NBAS: variants seen among roughly 807,000 people sequenced by gnomAD.
NBAS encodes NBAS subunit of NRZ tethering complex, also known as NAG/BC035112 fusion.
In NBAS, 219 loss-of-function variants were observed where a neutral mutation model predicts 302.5. The ratio of observed to expected loss-of-function variants is 0.72; its 90% CI spans 0.65 to 0.81. NBAS has a LOEUF of 0.81. Among genes scored for constraint, NBAS ranks in the 30% least tolerant of loss-of-function variants. The pLI is 0.00. For missense variants in NBAS, 2,932 were observed against 2,841.6 expected, an observed-to-expected ratio of 1.03 and a Z score of -0.72; for synonymous variants, 1,118 against 1,021.6, an observed-to-expected ratio of 1.09 and a Z score of -1.80.
At chr2:15,027,636 T>G in the NBAS span, among the ~76,000 whole-genome samples, 292 of 152,292 alleles carry the variant, frequency 1.9e-3, no homozygotes, top group African/African-American at 6.6e-3. Context: ...TTTGCTGTGT[T>G]CTTGCATTCA....
rs200206935 is a variant in NBAS at position 15,186,773 on chromosome 2, A to C, written c.6680T>G (p.Leu2227Trp). 62 of 1,613,746 alleles carry C rather than the reference A, an allele frequency of 3.8e-5. No homozygotes were observed. Among genetic ancestry groups the C allele is most frequent in the Non-Finnish European group, 5.1e-6 (6 of 1,179,958 alleles). The change falls in exon 50 of 52, where the codon TTG becomes TGG. Residue 2227 changes from leucine (L) to tryptophan (W), a missense_variant. By Grantham distance (61) the Leu-to-Trp change is moderately conservative. Transcript: ENST00000281513. The part of the protein sequence containing the change: ...GNEVLKMCRS[L>W]YNTKQMLPAE... Reference sequence around the variant, plus strand: ...AGGCAGCATCTGCTTGGTGTTATACAAAGAGCGACACATTTTCAAAACTTC... The same window carrying C: ...AGGCAGCATCTGCTTGGTGTTATACCAAGAGCGACACATTTTCAAAACTTC...
intron 47 of NBAS, among the ~76,000 whole-genome samples, chr2:15,221,959 A>G (rs373119152): frequency 4.7e-4 from 72 of 152,324 alleles, no homozygotes; most frequent in African/African-American, 1.6e-3. Flanking sequence ...ACTTCCTAAC[A>G]ATGTAACTCT....
intron 35 of NBAS, among the ~76,000 whole-genome samples, chr2:15,349,230 C>T (rs1017696845): frequency 1.3e-5 from 2 of 152,138 alleles, no homozygotes; most frequent in Non-Finnish European, 2.9e-5. Context: ...AGGAACAAAA[C>T]TTCAGATAAA....
In NBAS at chr2:15,307,147, C is replaced by T. The variant is rs145056818; in HGVS notation, c.4797+1069G>A. ...TGAAAGACACATGGGCACACCAGCT[C>T]ACTGGGAGCTTTTGCTTCCCAAACA... is the stretch of plus-strand genomic sequence containing the variant. On this transcript the variant is annotated intron_variant, in intron 40 of 51. Transcript: ENST00000281513. Among the ~76,000 whole-genome samples, 435 of 152,322 alleles carry T rather than the reference C, an allele frequency of 2.9e-3. 1 individual carries two copies. The highest frequency in any genetic ancestry group is 4.6e-3 in the Non-Finnish European group (314 of 68,034).
chr2:15,508,725 C>A (rs919112855), intron 10 of NBAS, among the ~76,000 whole-genome samples: 1 of 151,948 alleles, frequency 6.6e-6, no homozygotes, highest in Non-Finnish European at 1.5e-5. Flanking sequence ...CAGACTTGGC[C>A]GGGCATGGTG....
the NBAS span, among the ~76,000 whole-genome samples, chr2:14,870,833 G>A: frequency 1.3e-5 from 2 of 151,978 alleles, no homozygotes; most frequent in Non-Finnish European, 1.5e-5. Flanking sequence ...ACAGAAGTTT[G>A]TAAACAAAGA....
At chr2:15,034,119 G>C in the NBAS span, among the ~76,000 whole-genome samples, 1 of 148,224 alleles carries the variant, frequency 6.7e-6, no homozygotes, top group Non-Finnish European at 1.5e-5. Context: ...AGAAGGAGAA[G>C]GAGAAGGAAA....
At chr2:14,930,596 A>G in the NBAS span, among the ~76,000 whole-genome samples, 1 of 152,218 alleles carries the variant, frequency 6.6e-6, no homozygotes, top group Non-Finnish European at 1.5e-5. Flanking sequence ...TCACCTGTTC[A>G]ATAAGCCAGT....
chr2:14,994,077 T>G, the NBAS span, among the ~76,000 whole-genome samples: 1 of 152,236 alleles, frequency 6.6e-6, no homozygotes, highest in African/African-American at 2.4e-5. Context: ...TTTGCTTACA[T>G]GCATCTTTCT....
chr2:15,070,532 C>T, the NBAS span, among the ~76,000 whole-genome samples: 39 of 152,252 alleles, frequency 2.6e-4, no homozygotes, highest in African/African-American at 9.1e-4. Context: ...CTCTGTGTCC[C>T]TAAGTCCTAC....
chr2:15,219,551 A>T (rs1190978352), intron 47 of NBAS, among the ~76,000 whole-genome samples: 3 of 136,632 alleles, frequency 2.2e-5, no homozygotes, highest in Non-Finnish European at 4.6e-5. Context: ...GCCTTCAAGC[A>T]TCTGTTTAAC....
chr2:14,811,228 T>C, the NBAS span, among the ~76,000 whole-genome samples: 2 of 152,108 alleles, frequency 1.3e-5, no homozygotes, highest in African/African-American at 2.4e-5. Flanking sequence ...GGCAACATAA[T>C]GAGACTCTGT....
chr2:14,927,074 G>A, the NBAS span, among the ~76,000 whole-genome samples: 2 of 152,154 alleles, frequency 1.3e-5, no homozygotes, highest in Admixed American at 1.3e-4. Context: ...TGAGCGAGAG[G>A]GAATTTCCCA....
At chr2:14,913,909 C>A in the NBAS span, among the ~76,000 whole-genome samples, 3 of 152,140 alleles carry the variant, frequency 2.0e-5, no homozygotes, top group African/African-American at 4.8e-5. Flanking sequence ...GCCAGACACA[C>A]TATATTAGTG....
Position 15,444,527 on chromosome 2 carries a change from G to A in NBAS, c.2339+16674C>T, listed in dbSNP as rs369613096. Among the ~76,000 whole-genome samples, 106 of 152,016 alleles carry A rather than the reference G, an allele frequency of 7.0e-4. 1 individual carries two copies. In the East Asian group the frequency reaches 0.016, roughly 23 times the overall value. On this transcript the variant is annotated intron_variant, in intron 21 of 51. Transcript: ENST00000281513. ...TTCAAGATGGATTAAAGACTTAAACGTTAGACCTAAAACCATAAAACCCCT... is the reference window on the plus strand; with the variant it reads ...TTCAAGATGGATTAAAGACTTAAACATTAGACCTAAAACCATAAAACCCCT...
intron 21 of NBAS, among the ~76,000 whole-genome samples, chr2:15,444,365 C>T (rs1205415001): frequency 6.6e-6 from 1 of 152,190 alleles, no homozygotes; most frequent in Non-Finnish European, 1.5e-5. Context: ...CTACAACTAT[C>T]TGATCTTTGA....
the NBAS span, among the ~76,000 whole-genome samples, chr2:14,887,278 C>A: frequency 1.3e-5 from 2 of 152,060 alleles, no homozygotes; most frequent in East Asian, 3.9e-4. Context: ...GTGGCACATG[C>A]CTGTAATCTC....
the NBAS span, among the ~76,000 whole-genome samples, chr2:15,093,440 A>G: frequency 6.6e-6 from 1 of 152,136 alleles, no homozygotes; most frequent in African/African-American, 2.4e-5. Context: ...AAAGGGCACT[A>G]TTGTATTGCT....
At chr2:14,818,817 C>G in the NBAS span, among the ~76,000 whole-genome samples, 5 of 152,350 alleles carry the variant, frequency 3.3e-5, no homozygotes, top group South Asian at 6.2e-4. Flanking sequence ...AAAGAACTCT[C>G]TGCTCTCCGG....
Sources: gnomAD v4.1 joint callset for allele counts (sites outside exome capture counted in the v4.1 genomes callset) on GRCh38, gnomAD v4.1.1 for gene constraint, MANE v1.5 for transcripts, NCBI Gene and HGNC (gene_info 2026-07-23, HGNC 2026-07-21) for gene names.